The following ACKR3 variants were observed in gnomAD, a reference collection of about 807,000 sequenced individuals.
ACKR3 encodes C-X-C chemokine receptor type 7.
Under a neutral mutation model 22.4 loss-of-function variants are expected in ACKR3, and 6 were observed. That is an observed-to-expected ratio of 0.27 (90% confidence interval 0.15 to 0.53). The LOEUF (loss-of-function observed/expected upper bound fraction) is 0.53. Among genes scored for constraint, ACKR3 ranks in the 20% least tolerant of loss-of-function variants. ACKR3 has a pLI of 0.96. For synonymous variants in ACKR3, 209 were observed against 205.2 expected, an observed-to-expected ratio of 1.02 and a Z score of -0.16; for missense variants, 396 against 475.2, an observed-to-expected ratio of 0.83 and a Z score of 1.55.
the ACKR3 span, among the ~76,000 whole-genome samples, chr2:236,561,720 G>A: frequency 1.3e-5 from 2 of 152,178 alleles, no homozygotes; most frequent in Non-Finnish European, 2.9e-5. Flanking sequence ...TCAAACCCCT[G>A]ATCTCTGGTG....
the ACKR3 span, among the ~76,000 whole-genome samples, chr2:236,553,402 C>T: frequency 6.6e-6 from 1 of 152,204 alleles, no homozygotes; most frequent in Admixed American, 6.5e-5. Context: ...TTAAGGGGAA[C>T]TCTTTAATTT....
At chr2:236,563,304 G>A (rs1463998270), upstream of ACKR3, among the ~76,000 whole-genome samples, 7 of 152,168 alleles carry the variant, frequency 4.6e-5, no homozygotes, top group South Asian at 1.0e-3. Context: ...CATCCGGCAC[G>A]CGCCAAGCAC....
chr2:236,545,517 G>A, the ACKR3 span, among the ~76,000 whole-genome samples: 1 of 152,228 alleles, frequency 6.6e-6, no homozygotes, highest in African/African-American at 2.4e-5. The surrounding 1 kb of genome is among the most constrained non-coding windows in gnomAD (Gnocchi z 5.3). Context: ...GCCACAGGCA[G>A]CCAATCAATG....
At chr2:236,562,450 A>C in the ACKR3 span, among the ~76,000 whole-genome samples, 1 of 152,184 alleles carries the variant, frequency 6.6e-6, no homozygotes, top group Non-Finnish European at 1.5e-5. Context: ...TCTCATAAAT[A>C]GTCCTGCTGT....
chr2:236,574,497 G>T lies in ACKR3; in HGVS notation c.-27+4573G>T, dbSNP rs1691368333. ...CAGGAGAAGGTGGGAGAATCAGAAG[G>T]GCAGAGGGCATCAGTTGGGAAGAGT... On this transcript the variant is annotated intron_variant, in intron 1 of 1. Coordinates refer to ENST00000272928, the MANE Select transcript of ACKR3 (RefSeq NM_020311.3). The surrounding 1 kb of genome is among the most constrained non-coding windows in gnomAD (Gnocchi z 5.6). 6.6e-6 allele frequency among the ~76,000 whole-genome samples: 1 copy of T among 152,146 alleles called. No homozygotes were observed.
the ACKR3 span, among the ~76,000 whole-genome samples, chr2:236,550,049 G>C: frequency 6.6e-6 from 1 of 152,156 alleles, no homozygotes; most frequent in Non-Finnish European, 1.5e-5. The surrounding 1 kb of genome is among the most constrained non-coding windows in gnomAD (Gnocchi z 4.6). Flanking sequence ...CTTTTGACAA[G>C]GGCTCTTTAA....
the ACKR3 span, among the ~76,000 whole-genome samples, chr2:236,549,815 G>A: frequency 9.8e-5 from 15 of 152,314 alleles, no homozygotes; most frequent in African/African-American, 2.9e-4. The surrounding 1 kb of genome is among the most constrained non-coding windows in gnomAD (Gnocchi z 5.3). Context: ...TTTGAAAGTG[G>A]ACATTATCTG....
chr2:236,560,321 T>C, the ACKR3 span, among the ~76,000 whole-genome samples: 1 of 144,380 alleles, frequency 6.9e-6, no homozygotes, highest in Admixed American at 6.7e-5. Context: ...GTTGCCTTTT[T>C]TTTTTTTTTT....
upstream of ACKR3, among the ~76,000 whole-genome samples, chr2:236,563,633 G>A (rs1453793501): frequency 6.6e-6 from 1 of 152,184 alleles, no homozygotes; most frequent in East Asian, 1.9e-4. Context: ...AGTGGTCTGA[G>A]GATTAATTAG....
intron 1 of ACKR3, among the ~76,000 whole-genome samples, chr2:236,571,455 T>A (rs1292031372): frequency 2.6e-5 from 4 of 152,048 alleles, no homozygotes; most frequent in African/African-American, 9.7e-5. Flanking sequence ...GACGTAGTTT[T>A]AAAAAAGTTC....
At chr2:236,578,873 G>A (rs956769958) in intron 1 of ACKR3, among the ~76,000 whole-genome samples, 16 of 152,194 alleles carry the variant, frequency 1.1e-4, no homozygotes, top group East Asian at 3.9e-4. Flanking sequence ...TTGCTGAAGG[G>A]AAAAACCGCT....
chr2:236,581,149 C>T lies in ACKR3; in HGVS notation c.684C>T (p.Ile228=), dbSNP rs143420114. ...GCTTTGCCGTTCCCTTCTCCATTAT[C>T]GCTGTCTTCTACTTCCTGCTGGCCA... ...VLGFAVPFSI[I]AVFYFLLARA... is the part of the protein sequence containing the mutation. Residue 228 remains isoleucine (I), a synonymous_variant, in exon 2 of 2, where the codon ATC becomes ATT. Transcript: ENST00000272928. The surrounding 1 kb of genome is among the most constrained non-coding windows in gnomAD (Gnocchi z 4.4). The T allele has an allele frequency of 3.4e-5, 55 of 1,614,180 alleles. No individual in the cohort carries two copies. The highest frequency in any genetic ancestry group is 8.9e-5 in the East Asian group (4 of 44,878).
the ACKR3 span, among the ~76,000 whole-genome samples, chr2:236,544,283 C>T: frequency 1.3e-5 from 2 of 151,840 alleles, no homozygotes; most frequent in African/African-American, 2.4e-5. This position sits in a 1 kb window ranked among gnomAD's most constrained non-coding sequence, Gnocchi z 5.0. Flanking sequence ...CCACCGCGCC[C>T]GGAGGGGTTC....
chr2:236,558,450 T>C, the ACKR3 span, among the ~76,000 whole-genome samples: 1 of 152,090 alleles, frequency 6.6e-6, no homozygotes, highest in Non-Finnish European at 1.5e-5. Flanking sequence ...CTTTTTCTAG[T>C]TTTGGCCTGT....
chr2:236,565,620 A>T (rs6744755), upstream of ACKR3, among the ~76,000 whole-genome samples: 1 of 152,186 alleles, frequency 6.6e-6, no homozygotes, highest in Non-Finnish European at 1.5e-5. Context: ...TCATTTCTTT[A>T]TGAGGGCTCC....
In ACKR3 at chr2:236,581,495, A is replaced by T. The variant is rs1426951517; in HGVS notation, c.1030A>T (p.Ile344Phe). The change falls in exon 2 of 2, where the codon ATC (isoleucine) becomes TTC (phenylalanine). Residue 344 changes from isoleucine to phenylalanine, a missense_variant. Physicochemically the swap from Ile to Phe is conservative, Grantham distance 21. Coordinates refer to ENST00000272928, the MANE Select transcript of ACKR3 (RefSeq NM_020311.3). This position sits in a 1 kb window ranked among gnomAD's most constrained non-coding sequence, Gnocchi z 4.4. Reference sequence around the variant, plus strand: ...GGCCAAAACAGGGCTCACCAAGCTCATCGATGCCTCCAGAGTCTCAGAGAC... The same window carrying T: ...GGCCAAAACAGGGCTCACCAAGCTCTTCGATGCCTCCAGAGTCTCAGAGAC... ...YSAKTGLTKL[I>F]DASRVSETEY... 6.2e-7 allele frequency: 1 copy of T among 1,614,200 alleles called. No homozygotes were observed. Among genetic ancestry groups the T allele is most frequent in the Non-Finnish European group, 8.5e-7 (1 of 1,180,028 alleles).
rs999315991 is a variant in ACKR3, at chr2:236,581,767, C to A, written c.*213C>A. 2.7e-5 allele frequency: 16 copies of A among 585,196 alleles called. No homozygotes were observed. Among genetic ancestry groups the A allele is most frequent in the Non-Finnish European group, 4.7e-5 (16 of 337,184 alleles). The allele number at this position is 585,196 out of a possible 1,614,324, so 36.3% of individuals were successfully genotyped here. ...GCTGACAGTTTTGCAACAGGCAGAGCTGTGTCGCACAGCAGTGCTGTGCGT... is the reference window on the plus strand; with the variant it reads ...GCTGACAGTTTTGCAACAGGCAGAGATGTGTCGCACAGCAGTGCTGTGCGT... On this transcript the variant is annotated 3_prime_UTR_variant, in exon 2 of 2. Coordinates refer to ENST00000272928, the MANE Select transcript of ACKR3 (RefSeq NM_020311.3). The surrounding 1 kb of genome is among the most constrained non-coding windows in gnomAD (Gnocchi z 4.4).
At chr2:236,537,382 T>A in the ACKR3 span, among the ~76,000 whole-genome samples, 1 of 152,188 alleles carries the variant, frequency 6.6e-6, no homozygotes, top group African/African-American at 2.4e-5. Context: ...ACAAGGATTG[T>A]TACCAGGGCT....
chr2:236,565,200 A>T (rs1691154038), upstream of ACKR3, among the ~76,000 whole-genome samples: 1 of 152,098 alleles, frequency 6.6e-6, no homozygotes, highest in African/African-American at 2.4e-5. Flanking sequence ...AATCCTGACA[A>T]GCACCCAGCT....
Sources: gnomAD v4.1 joint callset for allele counts (sites outside exome capture counted in the v4.1 genomes callset) on GRCh38, gnomAD v4.1.1 for gene constraint, Gnocchi (gnomAD v3.1) non-coding constraint, MANE v1.5 for transcripts, NCBI Gene and HGNC (gene_info 2026-07-23, HGNC 2026-07-21) for gene names.